The following BMP2K variants were observed in gnomAD, a reference collection of about 807,000 sequenced individuals.
BMP2K encodes the protein BMP-2-inducible protein kinase.
A neutral mutation model predicts 116.0 loss-of-function variants in BMP2K; 74 were observed. That is an observed-to-expected ratio of 0.64 (90% CI 0.53 to 0.77). The LOEUF (loss-of-function observed/expected upper bound fraction) is 0.77. Ranked by LOEUF, BMP2K falls within the 30% of genes least tolerant of loss-of-function variation. BMP2K has a pLI of 0.00. For missense variants in BMP2K, 1,365 were observed against 1,403.6 expected, an observed-to-expected ratio of 0.97 and a Z score of 0.44; for synonymous variants, 486 against 502.5, an observed-to-expected ratio of 0.97 and a Z score of 0.44.
chr4:78,776,678 G>T lies in BMP2K; in HGVS notation c.135G>T (p.Ala45=), dbSNP rs747463613. The T allele has an allele frequency of 3.3e-5, 41 of 1,245,914 alleles. No individual in the cohort carries two copies. Among genetic ancestry groups the T allele is most frequent in the Non-Finnish European group, 3.9e-5 (39 of 991,096 alleles). 77.2% of individuals were successfully genotyped at this position (1,245,914 alleles called of 1,614,324 possible). The change falls in exon 1 of 16, where the codon GCG becomes GCT. Residue 45 remains alanine (A), a synonymous_variant. Coordinates refer to ENST00000502613, the MANE Select transcript of BMP2K (RefSeq NM_198892.2). ...CGTCCGTGGGGGTCCGGGTGTTCGC[G>T]GTCGGCCGCCACCAGGTCACCCTGG... The part of the protein sequence containing the change: ...GGSSVGVRVF[A]VGRHQVTLEE...
intron 6 of BMP2K, among the ~76,000 whole-genome samples, chr4:78,848,132 A>G (rs1227497318): frequency 6.6e-6 from 1 of 151,528 alleles, no homozygotes; most frequent in Non-Finnish European, 1.5e-5. Flanking sequence ...CAAAGTCTTG[A>G]GAGACAGATA....
chr4:78,886,350 ACT>A (rs1303672683), intron 14 of BMP2K, among the ~76,000 whole-genome samples: 1 of 151,972 alleles, frequency 6.6e-6, no homozygotes, highest in Admixed American at 6.6e-5. Context: ...TAATAGAATC[ACT>A]CTGTTACTAA....
At chr4:78,808,389 C>G (rs1181398801) in intron 1 of BMP2K, among the ~76,000 whole-genome samples, 1 of 151,924 alleles carries the variant, frequency 6.6e-6, no homozygotes, top group Non-Finnish European at 1.5e-5. Context: ...CCTCACCCTC[C>G]TGAGTAGCTG....
rs189934028 is a variant in BMP2K, at chr4:78,798,301, T to A, written c.178+21580T>A. ...AGTGTTGCAAGAAATTATATAAGAT[T>A]TTGGTTGAAAGAAGCGAGAAATGGA... On this transcript the variant is annotated intron_variant, in intron 1 of 15. Transcript: ENST00000502613. 7.7e-4 allele frequency among the ~76,000 whole-genome samples: 117 copies of A among 152,166 alleles called. 1 individual carries two copies. In the East Asian group the frequency reaches 0.021, roughly 27 times the overall value.
chr4:78,888,119 G>A (rs145833130), intron 15 of BMP2K: 2 of 152,306 alleles, frequency 1.3e-5, no homozygotes, highest in African/African-American at 4.8e-5. Context: ...ACATTGAACA[G>A]CTTTTCAACA....
intron 5 of BMP2K, among the ~76,000 whole-genome samples, chr4:78,845,780 C>G (rs1730968941): frequency 6.6e-6 from 1 of 151,560 alleles, no homozygotes; most frequent in Non-Finnish European, 1.5e-5. Flanking sequence ...CTCACAAATT[C>G]TCTATTGCCT....
Position 78,811,725 on chromosome 4 carries a change from G to C in BMP2K, c.179-14312G>C, listed in dbSNP as rs187447580. ...AGGTCTATTTTTATCCATTTATAAA[G>C]ATATTTCTTACAAAACATTTTGGAA... On this transcript the variant is annotated intron_variant, in intron 1 of 15. Coordinates refer to ENST00000502613, the MANE Select transcript of BMP2K (RefSeq NM_198892.2). Among the ~76,000 whole-genome samples the C allele has an allele frequency of 2.0e-5, 3 of 152,238 alleles. No homozygotes were observed. The East Asian group carries it at 5.8e-4, about 29-fold the overall frequency.
intron 1 of BMP2K, chr4:78,820,834 A>G (rs1241229952): frequency 6.5e-6 from 1 of 153,290 alleles, no homozygotes; most frequent in African/African-American, 2.4e-5. Context: ...GGCCTCCCAA[A>G]GTGCTGGGAT....
chr4:78,807,394 AT>A (rs931802875), intron 1 of BMP2K, among the ~76,000 whole-genome samples: 1 of 149,220 alleles, frequency 6.7e-6, no homozygotes, highest in South Asian at 2.1e-4. Context: ...ATTGGTCTGT[AT>A]TTTTTTTTCT....
chr4:78,821,062 T>C (rs922431385), intron 1 of BMP2K, among the ~76,000 whole-genome samples: 1 of 152,230 alleles, frequency 6.6e-6, no homozygotes, highest in African/African-American at 2.4e-5. Context: ...GACTGCAATG[T>C]CTTTCTTCTA....
chr4:78,804,508 C>G (rs1210843750), intron 1 of BMP2K, among the ~76,000 whole-genome samples: 2 of 152,094 alleles, frequency 1.3e-5, no homozygotes, highest in Non-Finnish European at 2.9e-5. Context: ...TGAGGACCTA[C>G]TATATTTTTC....
At chr4:78,794,861 C>T (rs921387711) in intron 1 of BMP2K, among the ~76,000 whole-genome samples, 8 of 152,126 alleles carry the variant, frequency 5.3e-5, no homozygotes, top group Non-Finnish European at 7.3e-5. Context: ...CCATGCCAGC[C>T]GTCATAAAGT....
chr4:78,906,329 A>C (rs182818453), intron 15 of BMP2K, among the ~76,000 whole-genome samples: 1 of 152,210 alleles, frequency 6.6e-6, no homozygotes, highest in East Asian at 1.9e-4. Flanking sequence ...AATTTGGATA[A>C]ATATTTTTGA....
chr4:78,850,785 A>G, intron 6 of BMP2K, 139 bp from the exon 7 acceptor site: 1 of 726,430 alleles, frequency 1.4e-6, no homozygotes. Context: ...TAAATATATT[A>G]ATTTTTTTAA....
chr4:78,840,746 C>T (rs1467178793), intron 3 of BMP2K, among the ~76,000 whole-genome samples: 1 of 151,580 alleles, frequency 6.6e-6, no homozygotes, highest in Admixed American at 6.6e-5. Context: ...TCTCTAGGGA[C>T]TTGTTTTTTG....
intron 2 of BMP2K, among the ~76,000 whole-genome samples, chr4:78,829,777 TTTCTTTTCTTTTCTCTTCTCTTCTC>T (rs1270995665): frequency 0.01 from 1,000 of 96,236 alleles, 3 homozygotes; most frequent in South Asian, 0.037. Flanking sequence ...TTTCTTTTCT[TTTCTTTTCTTTTCTCTTCTCTTCTC>T]TTCTCTTCTC....
Position 78,833,583 on chromosome 4 carries a change from A to G in BMP2K, c.299A>G (p.Lys100Arg). 6.4e-7 allele frequency: 1 copy of G among 1,571,300 alleles called. No individual in the cohort carries two copies. Among genetic ancestry groups the G allele is most frequent in the Non-Finnish European group, 8.6e-7 (1 of 1,164,312 alleles). ...TTTCATTTTTTTTTTTCTTTCCAGA[A>G]AGAGCTATCTGGTCACAAAAATATT... Reference protein sequence around the residue: ...NVCKREITIMKELSGHKNIVG... With the variant: ...NVCKREITIMRELSGHKNIVG... The change falls in exon 3 of 16, where the codon AAA (lysine) becomes AGA (arginine). Residue 100 changes from lysine (K) to arginine (R), a missense_variant and splice_region_variant. By Grantham distance (26) the Lys-to-Arg change is conservative (BLOSUM62 2). Around this residue, in one of 3 missense-constraint regions of BMP2K, gnomAD observed 762 missense variants for 756.7 expected, o/e 1.01. Transcript: ENST00000502613.
chr4:78,864,622 A>G (rs1731957102), intron 9 of BMP2K, among the ~76,000 whole-genome samples: 1 of 151,914 alleles, frequency 6.6e-6, no homozygotes. Context: ...TGGTACACAC[A>G]GATATTGGGA....
In BMP2K at chr4:78,811,772, G is replaced by C. The variant is rs146085363; in HGVS notation, c.179-14265G>C. Among the ~76,000 whole-genome samples the C allele has an allele frequency of 3.3e-5, 5 of 151,918 alleles. No homozygotes were observed. The South Asian group carries it at 1.0e-3, about 32-fold the overall frequency. Reference sequence around the variant, plus strand: ...GGAAGTCATTTAAGACATTTCTCTCGGCCAATTTATAAAATACACAGCTTA... The same window carrying C: ...GGAAGTCATTTAAGACATTTCTCTCCGCCAATTTATAAAATACACAGCTTA... On this transcript the variant is annotated intron_variant, in intron 1 of 15. Transcript: ENST00000502613.
Sources: allele counts gnomAD v4.1 joint callset (sites outside exome capture counted in the v4.1 genomes callset), GRCh38; gene constraint gnomAD v4.1.1; regional missense constraint gnomAD v4.1.1; transcripts MANE v1.5; gene names NCBI Gene and HGNC (gene_info 2026-07-23, HGNC 2026-07-21).